Variants in IGSF21 observed in about 807,000 individuals in gnomAD.
IGSF21 encodes the protein immunoglobin superfamily member 21, also known as immunoglobulin superfamily member 21.
In IGSF21, 28 loss-of-function variants were observed where a neutral mutation model predicts 46.8. That is an observed-to-expected ratio of 0.60 (90% CI 0.44 to 0.82). IGSF21 has a LOEUF of 0.82. Ranked by LOEUF, IGSF21 falls within the 40% of genes least tolerant of loss-of-function variation. The pLI is 0.00. For missense variants in IGSF21, 624 were observed against 665.5 expected, an observed-to-expected ratio of 0.94 and a Z score of 0.69; for synonymous variants, 284 against 273.6, an observed-to-expected ratio of 1.04 and a Z score of -0.38.
At chr1:18,208,035 G>A (rs892513428) in intron 1 of IGSF21, among the ~76,000 whole-genome samples, 8 of 152,060 alleles carry the variant, frequency 5.3e-5, no homozygotes, top group African/African-American at 1.9e-4. Context: ...ACATGCCCCT[G>A]GGAGAGAGAT....
intron 4 of IGSF21, among the ~76,000 whole-genome samples, chr1:18,355,136 G>A (rs1016805815): frequency 4.6e-5 from 7 of 152,188 alleles, no homozygotes; most frequent in Non-Finnish European, 1.0e-4. Context: ...AGCACCCTGG[G>A]AGAAGTGGGA....
At chr1:18,178,766 C>G (rs1426168413) in intron 1 of IGSF21, among the ~76,000 whole-genome samples, 1 of 152,074 alleles carries the variant, frequency 6.6e-6, no homozygotes, top group Non-Finnish European at 1.5e-5. Flanking sequence ...TCCCCCTACC[C>G]CACCCCAGGG....
intron 1 of IGSF21, among the ~76,000 whole-genome samples, chr1:18,220,417 C>G (rs1409008387): frequency 3.3e-5 from 5 of 152,084 alleles, no homozygotes. Context: ...GCTCAGGCTG[C>G]TTAGGGAAAA....
intron 2 of IGSF21, among the ~76,000 whole-genome samples, chr1:18,273,360 C>A (rs1246476580): frequency 1.0e-4 from 13 of 127,566 alleles, no homozygotes; most frequent in African/African-American, 3.2e-4. Context: ...CTTTCCTTTC[C>A]TTTCCTTTCC....
At chr1:18,369,867 C>A (rs1428430540) in intron 6 of IGSF21, among the ~76,000 whole-genome samples, 1 of 152,204 alleles carries the variant, frequency 6.6e-6, no homozygotes, top group Non-Finnish European at 1.5e-5. Flanking sequence ...TCTTGTCTCA[C>A]CAGATTTGTA....
intron 3 of IGSF21, among the ~76,000 whole-genome samples, chr1:18,329,071 C>T (rs1033817529): frequency 3.3e-5 from 5 of 152,144 alleles, no homozygotes; most frequent in Non-Finnish European, 5.9e-5. Flanking sequence ...AATAGAGACA[C>T]GCTCAAGAGT....
At chr1:18,266,441 G>C (rs1233444578) in intron 2 of IGSF21, among the ~76,000 whole-genome samples, 1 of 152,208 alleles carries the variant, frequency 6.6e-6, no homozygotes, top group Non-Finnish European at 1.5e-5. Flanking sequence ...ACACATTCAG[G>C]TGGATGAGCT....
intron 3 of IGSF21, among the ~76,000 whole-genome samples, chr1:18,307,005 G>A (rs534890615): frequency 6.6e-6 from 1 of 152,328 alleles, no homozygotes. Flanking sequence ...GGATTCTCAG[G>A]GGAGTGGCCT....
At chr1:18,172,080 G>A (rs761797022) in intron 1 of IGSF21, among the ~76,000 whole-genome samples, 2 of 152,244 alleles carry the variant, frequency 1.3e-5, no homozygotes, top group African/African-American at 2.4e-5. Context: ...ACAGGCTGAG[G>A]AGGGCAGGAA....
At chr1:18,324,265 C>T (rs111796275) in intron 3 of IGSF21, among the ~76,000 whole-genome samples, 15 of 152,284 alleles carry the variant, frequency 9.9e-5, no homozygotes, top group African/African-American at 1.7e-4. Context: ...AATTCTCCTG[C>T]GTTGTGTGGT....
At chr1:18,166,569 C>T (rs1330730093) in intron 1 of IGSF21, among the ~76,000 whole-genome samples, 1 of 152,216 alleles carries the variant, frequency 6.6e-6, no homozygotes, top group Non-Finnish European at 1.5e-5. Context: ...ACGCGTAGCT[C>T]CGTGTCTGGC....
chr1:18,315,819 G>GCGGA (rs2085537177), intron 3 of IGSF21, among the ~76,000 whole-genome samples: 3 of 34,590 alleles, frequency 8.7e-5, no homozygotes, highest in African/African-American at 3.0e-4. Flanking sequence ...GTGGATAGGT[G>GCGGA]TGGATGGCTA....
chr1:18,366,332 T>C (rs2086164342), intron 6 of IGSF21, among the ~76,000 whole-genome samples: 1 of 152,052 alleles, frequency 6.6e-6, no homozygotes, highest in African/African-American at 2.4e-5. Context: ...GTCAGAAGCA[T>C]AGGTCAGCGT....
intron 2 of IGSF21, among the ~76,000 whole-genome samples, chr1:18,287,212 A>AAT (rs1381765426): frequency 5.6e-5 from 8 of 143,790 alleles, no homozygotes; most frequent in Non-Finnish European, 9.3e-5. Flanking sequence ...TAAATAAATA[A>AAT]AAATAAATAA....
intron 1 of IGSF21, among the ~76,000 whole-genome samples, chr1:18,161,209 C>T (rs529894460): frequency 8.8e-4 from 134 of 152,262 alleles, no homozygotes; most frequent in Middle Eastern, 6.8e-3. Flanking sequence ...AGAGTCCCTA[C>T]GGGGCCCTCC....
intron 1 of IGSF21, among the ~76,000 whole-genome samples, chr1:18,199,469 C>A (rs1209019005): frequency 6.6e-6 from 1 of 152,174 alleles, no homozygotes; most frequent in Non-Finnish European, 1.5e-5. Context: ...AGGCGCCCCT[C>A]GGATCCTGGG....
At chr1:18,278,250 T>C (rs1254358892) in intron 2 of IGSF21, among the ~76,000 whole-genome samples, 1 of 150,454 alleles carries the variant, frequency 6.6e-6, no homozygotes, top group East Asian at 1.9e-4. Flanking sequence ...ATTTATTTAT[T>C]TTATTTTGAG....
chr1:18,193,395 AAT>A (rs377588859), intron 1 of IGSF21, among the ~76,000 whole-genome samples: 5 of 150,408 alleles, frequency 3.3e-5, no homozygotes, highest in Admixed American at 6.6e-5. Flanking sequence ...GAATTAATGG[AAT>A]ATATATATAT....
chr1:18,205,181 A>T (rs2084305819), intron 1 of IGSF21, among the ~76,000 whole-genome samples: 1 of 151,836 alleles, frequency 6.6e-6, no homozygotes, highest in South Asian at 2.1e-4. Flanking sequence ...GAGAGGAGAG[A>T]GGAGGAGAGA....
Sources: allele counts gnomAD v4.1 joint callset (sites outside exome capture counted in the v4.1 genomes callset), GRCh38; gene constraint gnomAD v4.1.1; transcripts MANE v1.5; gene names NCBI Gene and HGNC (gene_info 2026-07-23, HGNC 2026-07-21).